ZKSCAN4: variants seen among roughly 807,000 people sequenced by gnomAD.
The protein encoded by ZKSCAN4 is zinc finger with KRAB and SCAN domains 4.
Under a neutral mutation model 30.8 loss-of-function variants are expected in ZKSCAN4, and 23 were observed. The observed-to-expected ratio is 0.75, with a 90% CI of 0.54 to 1.06. The LOEUF is 1.06. Among genes scored for constraint, ZKSCAN4 ranks in the 50% least tolerant of loss-of-function variants. The pLI is 0.00. For synonymous variants in ZKSCAN4, 208 were observed against 252.5 expected (o/e 0.82, Z 1.67); for missense variants, 556 against 665.4 (o/e 0.84, Z 1.81).
upstream of ZKSCAN4, among the ~76,000 whole-genome samples, chr6:28,256,698 T>G (rs1354786572): frequency 1.3e-5 from 2 of 152,190 alleles, no homozygotes; most frequent in African/African-American, 4.8e-5. Flanking sequence ...TAAAAGCCCA[T>G]CCTCCCATTA....
At chr6:28,257,569 A>C in the ZKSCAN4 span, among the ~76,000 whole-genome samples, 1 of 152,218 alleles carries the variant, frequency 6.6e-6, no homozygotes, top group African/African-American at 2.4e-5. Flanking sequence ...AAAAACAGTT[A>C]TCTCTTCCTT....
chr6:28,245,327 C>T lies in ZKSCAN4; in HGVS notation c.1427G>A (p.Ser476Asn). ...ESWESQGRTE[S>N]QWENTEAPVS... ...GGGAGCCTCAGTATTTTCCCACTGG[C>T]TTTCCGTCCTACCCTGACTTTCCCA... is the stretch of plus-strand genomic sequence containing the variant. Residue 476 changes from serine (S) to asparagine (N), a missense_variant, in exon 5 of 5, where the codon AGC (serine) becomes AAC (asparagine). By Grantham distance (46) the Ser-to-Asn change is conservative (BLOSUM62 1). Coordinates refer to ENST00000377294, the MANE Select transcript of ZKSCAN4 (RefSeq NM_019110.5). 3 of 1,614,174 alleles carry T rather than the reference C, an allele frequency of 1.9e-6. No homozygotes were observed. The highest frequency in any genetic ancestry group is 2.5e-6 in the Non-Finnish European group (3 of 1,180,022).
upstream of ZKSCAN4, among the ~76,000 whole-genome samples, chr6:28,256,759 CCA>C (rs1235837796): frequency 6.6e-6 from 1 of 152,182 alleles, no homozygotes; most frequent in African/African-American, 2.4e-5. Context: ...ACTTTTTGCA[CCA>C]CTGCTTTTTC....
rs113259895 is a variant in ZKSCAN4 at position 28,248,015 on chromosome 6, A to C, written c.654+52T>G. ...GAGGGAGGAACTTAATGCGGAGCCCAACAGTAGTGAAAGGTATGGGGCGCT... is the reference window on the plus strand; with the variant it reads ...GAGGGAGGAACTTAATGCGGAGCCCCACAGTAGTGAAAGGTATGGGGCGCT... On this transcript the variant is annotated intron_variant, in intron 3 of 4. Transcript: ENST00000377294. The C allele has an allele frequency of 1.4e-5, 19 of 1,376,240 alleles. No individual in the cohort carries two copies. The Middle Eastern group carries it at 5.4e-4, about 39-fold the overall frequency. The allele number at this position is 1,376,240 out of a possible 1,614,324, so 85.3% of individuals were successfully genotyped here.
upstream of ZKSCAN4, among the ~76,000 whole-genome samples, chr6:28,255,050 T>C (rs1761139349): frequency 2.0e-5 from 3 of 152,210 alleles, no homozygotes; most frequent in Non-Finnish European, 2.9e-5. Context: ...TTATTAATAA[T>C]TGCACAGACT....
intron 1 of ZKSCAN4, among the ~76,000 whole-genome samples, chr6:28,251,000 T>C (rs1055515765): frequency 6.6e-6 from 1 of 152,186 alleles, no homozygotes; most frequent in African/African-American, 2.4e-5. Flanking sequence ...TACCAGAGGT[T>C]CATAACCAGT....
At position 28,242,923 on chromosome 6, in the gene ZKSCAN4, AG is replaced by A. The variant is rs1760548089; in HGVS notation, c.*2192del. On this transcript the variant is annotated 3_prime_UTR_variant, in exon 5 of 5. Coordinates refer to ENST00000377294, the MANE Select transcript of ZKSCAN4 (RefSeq NM_019110.5). ...GGCACAGTGGTCCTTAGTTAATCTC[AG>A]GAAGTTATATTTGTATAATGCTTTC... 6.6e-6 allele frequency among the ~76,000 whole-genome samples: 1 copy of A among 152,238 alleles called. No individual in the cohort carries two copies. Among genetic ancestry groups the A allele is most frequent in the Admixed American group, 6.5e-5 (1 of 15,284 alleles).
the ZKSCAN4 span, among the ~76,000 whole-genome samples, chr6:28,258,674 G>A: frequency 6.6e-6 from 1 of 151,600 alleles, no homozygotes; most frequent in Non-Finnish European, 1.5e-5. Flanking sequence ...CCAGCTCCTC[G>A]GGAGGATCTC....
Position 28,245,929 on chromosome 6 carries a change from C to T in ZKSCAN4, c.825G>A (p.Lys275=). ...TCTTCCCATGCTCCTTTTCTGGAAG[C>T]TTCTTGACTGGAGGCAAGTCCCTGC... ...TKSRDLPPVK[K]LPEKEHGKIC... is the part of the protein sequence containing the mutation. The change falls in exon 5 of 5, where the codon AAG becomes AAA. Residue 275 remains lysine, a synonymous_variant. Coordinates refer to ENST00000377294, the MANE Select transcript of ZKSCAN4 (RefSeq NM_019110.5). 6.2e-7 allele frequency: 1 copy of T among 1,614,226 alleles called. No individual in the cohort carries two copies. Among genetic ancestry groups the T allele is most frequent in the South Asian group, 1.1e-5 (1 of 91,090 alleles).
chr6:28,253,286 A>C (rs901259848), upstream of ZKSCAN4, among the ~76,000 whole-genome samples: 3 of 152,238 alleles, frequency 2.0e-5, no homozygotes, highest in African/African-American at 7.2e-5. This position sits in a 1 kb window ranked among gnomAD's most constrained non-coding sequence, Gnocchi z 4.2. Context: ...TGGAGAAGCT[A>C]CAAAATGCAA....
In ZKSCAN4 at chr6:28,252,207, A is replaced by G; in HGVS notation, c.-227T>C. 2.5e-6 allele frequency: 1 copy of G among 398,370 alleles called. No homozygotes were observed. Among genetic ancestry groups the G allele is most frequent in the Non-Finnish European group, 4.4e-6 (1 of 225,288 alleles). The allele number at this position is 398,370 out of a possible 1,614,324, so 24.7% of individuals were successfully genotyped here. A position where few individuals can be genotyped will look rare whatever the true frequency, so the allele number is the denominator to read the frequency against. Reference sequence around the variant, plus strand: ...CACTCTGAATCCCACAGTAAGTATCACCAAAGGATGTCTTTGGGAGTGAAA... The same window carrying G: ...CACTCTGAATCCCACAGTAAGTATCGCCAAAGGATGTCTTTGGGAGTGAAA... On this transcript the variant is annotated 5_prime_UTR_variant, in exon 1 of 5. Transcript: ENST00000377294.
rs1361186388 is a variant in ZKSCAN4 at position 28,247,175 on chromosome 6, C to T, written c.655-83G>A. On this transcript the variant is annotated intron_variant, in intron 3 of 4. Transcript: ENST00000377294. Reference sequence around the variant, plus strand: ...AGAATGAACATCCCCTTTAAAGAGGCTCTTTAAAAAGGAGCAAGTGTGGCA... The same window carrying T: ...AGAATGAACATCCCCTTTAAAGAGGTTCTTTAAAAAGGAGCAAGTGTGGCA... 2.8e-6 allele frequency: 4 copies of T among 1,446,450 alleles called. No homozygotes were observed. The African/African-American group carries it at 4.3e-5, about 15-fold the overall frequency. The allele number at this position is 1,446,450 out of a possible 1,614,324, so 89.6% of individuals were successfully genotyped here.
chr6:28,252,037 G>C lies in ZKSCAN4; in HGVS notation c.-57C>G. 6.7e-7 allele frequency: 1 copy of C among 1,498,974 alleles called. No homozygotes were observed. Among genetic ancestry groups the C allele is most frequent in the Non-Finnish European group, 8.9e-7 (1 of 1,124,808 alleles). The allele number at this position is 1,498,974 out of a possible 1,614,324, so 92.9% of individuals were successfully genotyped here. On this transcript the variant is annotated 5_prime_UTR_variant, in exon 1 of 5. Coordinates refer to ENST00000377294, the MANE Select transcript of ZKSCAN4 (RefSeq NM_019110.5). Reference sequence around the variant, plus strand: ...TAGTTGCGACCTGTATATCTTCAGAGGATTCTGGAAGGGTGGTAAATTTTC... The same window carrying C: ...TAGTTGCGACCTGTATATCTTCAGACGATTCTGGAAGGGTGGTAAATTTTC...
At position 28,245,012 on chromosome 6, in the gene ZKSCAN4, T is replaced by G; in HGVS notation, c.*104A>C. ...TTTTCTAATACCCGATGATGTATAG[T>G]GGTAAATAAAGCCCTGGTCCACAAT... On this transcript the variant is annotated 3_prime_UTR_variant, in exon 5 of 5. Coordinates refer to ENST00000377294, the MANE Select transcript of ZKSCAN4 (RefSeq NM_019110.5). 7.4e-7 allele frequency: 1 copy of G among 1,357,106 alleles called. No individual in the cohort carries two copies. Among genetic ancestry groups the G allele is most frequent in the Non-Finnish European group, 1.1e-6 (1 of 949,986 alleles). 84.1% of individuals were successfully genotyped at this position (1,357,106 alleles called of 1,614,324 possible). A position where few individuals can be genotyped will look rare whatever the true frequency, so the allele number is the denominator to read the frequency against.
chr6:28,244,659 T>C lies in ZKSCAN4; in HGVS notation c.*457A>G, dbSNP rs996957525. ...ACAAAGGCCATTTTACTGGTACATT[T>C]AATAAATGTTTATTAGCACCTATCA... On this transcript the variant is annotated 3_prime_UTR_variant, in exon 5 of 5. Transcript: ENST00000377294. 2.2e-4 allele frequency: 38 copies of C among 175,704 alleles called. No individual in the cohort carries two copies. Among genetic ancestry groups the C allele is most frequent in the African/African-American group, 8.6e-4 (36 of 41,814 alleles). The allele number at this position is 175,704 out of a possible 1,614,324, so 10.9% of individuals were successfully genotyped here. A position where few individuals can be genotyped will look rare whatever the true frequency, so the allele number is the denominator to read the frequency against.
chr6:28,252,992 G>C (rs1396627091), upstream of ZKSCAN4, among the ~76,000 whole-genome samples: 1 of 152,160 alleles, frequency 6.6e-6, no homozygotes, highest in East Asian at 1.9e-4. Context: ...GGTTACCTGT[G>C]TAATCCTGGC....
Position 28,251,778 on chromosome 6 carries a change from C to G in ZKSCAN4, c.203G>C (p.Arg68Pro). 2 of 1,614,086 alleles carry G rather than the reference C, an allele frequency of 1.2e-6. No individual in the cohort carries two copies. Among genetic ancestry groups the G allele is most frequent in the Non-Finnish European group, 1.7e-6 (2 of 1,179,950 alleles). ...TTCTCGGAGCCGGCTCAACGCCTCG[C>G]GGGGGCCCGCAGCCTCCGGGTAGCG... ...GFRYPEAAGP[R>P]EALSRLRELC... Residue 68 changes from arginine (R) to proline (P), a missense_variant, in exon 1 of 5, where the codon CGC (arginine) becomes CCC (proline). By Grantham distance (103) the Arg-to-Pro change is moderately radical. This residue lies in a region of ZKSCAN4 where 115 missense variants were observed against 125.9 expected (regional missense o/e 0.91). Transcript: ENST00000377294. This position sits in a 1 kb window ranked among gnomAD's most constrained non-coding sequence, Gnocchi z 4.5.
chr6:28,245,098 T>C lies in ZKSCAN4; in HGVS notation c.*18A>G, dbSNP rs771257489. ...TTCAGTGACAAATGAGCACCAATGT[T>C]GGCATGAATACCATGGGTCACTGTG... On this transcript the variant is annotated 3_prime_UTR_variant, in exon 5 of 5. Coordinates refer to ENST00000377294, the MANE Select transcript of ZKSCAN4 (RefSeq NM_019110.5). 15 of 1,614,112 alleles carry C rather than the reference T, an allele frequency of 9.3e-6. No individual in the cohort carries two copies. Among genetic ancestry groups the C allele is most frequent in the South Asian group, 5.5e-5 (5 of 91,070 alleles).
At chr6:28,254,993 T>C (rs1018443605), upstream of ZKSCAN4, among the ~76,000 whole-genome samples, 1 of 152,206 alleles carries the variant, frequency 6.6e-6, no homozygotes, top group African/African-American at 2.4e-5. Flanking sequence ...ATCTTGTGAA[T>C]GTTAAATTCA....
Sources: gnomAD v4.1 joint callset for allele counts (sites outside exome capture counted in the v4.1 genomes callset) on GRCh38, gnomAD v4.1.1 for gene constraint, gnomAD v4.1.1 regional missense constraint, Gnocchi (gnomAD v3.1) non-coding constraint, MANE v1.5 for transcripts, NCBI Gene and HGNC (gene_info 2026-07-23, HGNC 2026-07-21) for gene names.